The following CSMD3 variants were observed in gnomAD, a reference collection of about 807,000 sequenced individuals.
CSMD3 encodes the protein CUB and sushi domain-containing protein 3.
In CSMD3, 177 loss-of-function variants were observed where a neutral mutation model predicts 435.2. The ratio of observed to expected loss-of-function variants is 0.41; its 90% CI spans 0.36 to 0.46. The LOEUF (loss-of-function observed/expected upper bound fraction) is 0.46, where lower values mean the gene tolerates loss of function less well. Among genes scored for constraint, CSMD3 ranks in the 20% least tolerant of loss-of-function variants. The pLI is 0.34. For missense variants in CSMD3, 4,265 were observed against 4,504.6 expected, an observed-to-expected ratio of 0.95 and a Z score of 1.52; for synonymous variants, 1,656 against 1,520.5, an observed-to-expected ratio of 1.09 and a Z score of -2.07.
chr8:113,352,250 G>C (rs1300384256), intron 1 of CSMD3, among the ~76,000 whole-genome samples: 2 of 152,012 alleles, frequency 1.3e-5, no homozygotes. Context: ...TGAAACCTAT[G>C]ATGCGTATGC....
At chr8:112,559,133 G>C (rs1828387597) in intron 24 of CSMD3, among the ~76,000 whole-genome samples, 1 of 151,832 alleles carries the variant, frequency 6.6e-6, no homozygotes, top group Non-Finnish European at 1.5e-5. Flanking sequence ...AGCGACACTT[G>C]AGAAGTTAAT....
intron 19 of CSMD3, 64 bp downstream of exon 19, chr8:112,650,097 A>C: frequency 8.2e-7 from 1 of 1,221,278 alleles, no homozygotes; most frequent in Middle Eastern, 2.1e-4. Context: ...AACCCCATAT[A>C]AAAAACTACA....
chr8:113,041,978 C>G (rs1470853125), intron 5 of CSMD3, among the ~76,000 whole-genome samples: 1 of 152,116 alleles, frequency 6.6e-6, no homozygotes, highest in East Asian at 1.9e-4. Flanking sequence ...ATGGAAATTC[C>G]TACCTCATCT....
At chr8:112,596,935 C>T (rs1424508888) in intron 22 of CSMD3, among the ~76,000 whole-genome samples, 7 of 151,394 alleles carry the variant, frequency 4.6e-5, no homozygotes, top group Non-Finnish European at 1.0e-4. Flanking sequence ...AAATTGACAC[C>T]CTAACATCAC....
intron 1 of CSMD3, among the ~76,000 whole-genome samples, chr8:113,335,242 G>A (rs1406885154): frequency 6.6e-6 from 1 of 151,904 alleles, no homozygotes; most frequent in East Asian, 1.9e-4. Flanking sequence ...TTTCTTTCTT[G>A]TACAGTCTAC....
chr8:112,361,932 T>C (rs1291145631), intron 38 of CSMD3, among the ~76,000 whole-genome samples: 3 of 151,938 alleles, frequency 2.0e-5, no homozygotes, highest in East Asian at 1.9e-4. Context: ...TTTCATCTTT[T>C]CTCTAAATTG....
At chr8:112,478,312 G>A (rs1220292335) in intron 31 of CSMD3, among the ~76,000 whole-genome samples, 2 of 152,164 alleles carry the variant, frequency 1.3e-5, no homozygotes, top group African/African-American at 2.4e-5. Flanking sequence ...GGTTCAAAGA[G>A]TTTTGAGGCC....
intron 2 of CSMD3, chr8:113,310,736 G>A (rs1588491679): frequency 6.6e-6 from 1 of 151,656 alleles, no homozygotes; most frequent in African/African-American, 2.4e-5. Context: ...GTAATATAAA[G>A]AATATTATTT....
intron 6 of CSMD3, among the ~76,000 whole-genome samples, chr8:113,018,174 C>A (rs1420386130): frequency 6.6e-6 from 1 of 151,898 alleles, no homozygotes; most frequent in Non-Finnish European, 1.5e-5. Context: ...TGAGAGAAAT[C>A]TTATTAATAG....
rs80026638 is a variant in CSMD3, at chr8:112,390,657, T to C, written c.5934+7A>G. The C allele has an allele frequency of 2.1e-3, 3,379 of 1,610,668 alleles. 1 individual carries two copies. Among genetic ancestry groups the C allele is most frequent in the Non-Finnish European group, 2.5e-3 (2,976 of 1,176,910 alleles). On this transcript the variant is annotated splice_region_variant and intron_variant, in intron 36 of 70. Transcript: ENST00000297405. ...AATGAAAAGAAGAAAAACTTAAATA[T>C]TCTTACTTGAATGCCAGCTCCCTCT...
intron 58 of CSMD3, among the ~76,000 whole-genome samples, chr8:112,281,551 A>G (rs1175912988): frequency 6.6e-6 from 1 of 152,212 alleles, no homozygotes; most frequent in African/African-American, 2.4e-5. Flanking sequence ...GATGCAAATT[A>G]TAACATTTTC....
intron 32 of CSMD3, among the ~76,000 whole-genome samples, chr8:112,411,505 A>C (rs550543565): frequency 1.4e-4 from 22 of 152,020 alleles, no homozygotes; most frequent in African/African-American, 5.3e-4. Flanking sequence ...AAAAAAAGTT[A>C]CTCTGAGAGG....
rs557508249 is a variant in CSMD3 at position 113,263,616 on chromosome 8, T to G, written c.514+14976A>C. Among the ~76,000 whole-genome samples the G allele has an allele frequency of 3.6e-4, 55 of 152,004 alleles. 1 individual carries two copies. The South Asian group carries it at 0.011, about 31-fold the overall frequency. On this transcript the variant is annotated intron_variant, in intron 3 of 70. Coordinates refer to ENST00000297405, the MANE Select transcript of CSMD3 (RefSeq NM_198123.2). ...CAAATGAAAACGACTTTTGGGCGCT[T>G]CTTTTTTCTGGTGTTCTATTAATTA...
chr8:112,289,284 T>C, intron 57 of CSMD3, 81 bp downstream of exon 57: 1 of 1,125,634 alleles, frequency 8.9e-7, no homozygotes, highest in South Asian at 1.2e-5. Context: ...GTCTTTAGAT[T>C]GTTTTGTGTA....
intron 39 of CSMD3, 29 bp downstream of exon 39, chr8:112,352,387 T>C: frequency 6.2e-7 from 1 of 1,612,146 alleles, no homozygotes; most frequent in Non-Finnish European, 8.5e-7. Flanking sequence ...GCCATGAAAA[T>C]CAAAACCACA....
At position 113,192,448 on chromosome 8, in the gene CSMD3, T is replaced by TA. The variant is rs562962626; in HGVS notation, c.515-18533dup. Reference sequence around the variant, plus strand: ...ATGGAAATTCTTGTCCTCTGCTTTATAAAAAAGCTATTTGTTTAGCTAATT... The same window carrying TA: ...ATGGAAATTCTTGTCCTCTGCTTTATAAAAAAAGCTATTTGTTTAGCTAATT... On this transcript the variant is annotated intron_variant, in intron 3 of 70. Transcript: ENST00000297405. Among the ~76,000 whole-genome samples the TA allele has an allele frequency of 9.9e-5, 15 of 151,796 alleles. No homozygotes were observed. The South Asian group carries it at 3.1e-3, about 31-fold the overall frequency.
chr8:113,244,568 A>T (rs1166632760), intron 3 of CSMD3, among the ~76,000 whole-genome samples: 1 of 151,806 alleles, frequency 6.6e-6, no homozygotes, highest in Non-Finnish European at 1.5e-5. Flanking sequence ...CCTGCCTCAG[A>T]CTCCCAAAGT....
At chr8:113,436,611 C>G (rs2094708029) in intron 1 of CSMD3, 66 bp downstream of exon 1, 1 of 1,417,162 alleles carries the variant, frequency 7.1e-7, no homozygotes, top group Non-Finnish European at 1.0e-6. Flanking sequence ...AAGCTGCCAG[C>G]CTCTCTCCAT....
intron 5 of CSMD3, 85 bp from the exon 6 acceptor site, chr8:113,019,264 C>A: frequency 1.2e-6 from 1 of 826,222 alleles, no homozygotes; most frequent in South Asian, 1.3e-5. Flanking sequence ...AAACAAATGT[C>A]CAACTATATT....
Sources: allele counts gnomAD v4.1 joint callset (sites outside exome capture counted in the v4.1 genomes callset), GRCh38; gene constraint gnomAD v4.1.1; transcripts MANE v1.5; gene names NCBI Gene and HGNC (gene_info 2026-07-23, HGNC 2026-07-21).